The following TBXAS1 variants were observed in gnomAD, a reference collection of about 807,000 sequenced individuals.
TBXAS1 encodes the protein thromboxane-A synthase.
A neutral mutation model predicts 60.7 loss-of-function variants in TBXAS1; 48 were observed. The ratio of observed to expected loss-of-function variants is 0.79; its 90% confidence interval spans 0.63 to 1.01. TBXAS1 has a LOEUF of 1.01. TBXAS1 is among the 50% of genes least tolerant of loss of function. TBXAS1 has a pLI of 0.00. For synonymous variants in TBXAS1, 287 were observed against 269.7 expected (o/e 1.06, Z -0.63); for missense variants, 685 against 686.3 (o/e 1.00, Z 0.02).
intron 1 of TBXAS1, among the ~76,000 whole-genome samples, chr7:139,833,205 T>C (rs1020886815): frequency 2.0e-5 from 3 of 152,142 alleles, no homozygotes; most frequent in African/African-American, 7.2e-5. Flanking sequence ...AACTGCAGAA[T>C]GGATAAGAAC....
chr7:140,015,679 T>C, intron 10 of TBXAS1, 44 bp from the exon 11 acceptor site: 1 of 1,609,730 alleles, frequency 6.2e-7, no homozygotes, highest in East Asian at 2.2e-5. Flanking sequence ...GCTCTGCTCC[T>C]CATCTCTTCT....
intron 9 of TBXAS1, among the ~76,000 whole-genome samples, chr7:139,991,120 A>T (rs8192856): frequency 0.064 from 9,686 of 152,310 alleles, 408 homozygotes; most frequent in South Asian, 0.12. Flanking sequence ...GTGCGCTCCA[A>T]TAAAACGGCA....
intron 5 of TBXAS1, among the ~76,000 whole-genome samples, chr7:139,947,420 G>A (rs538147084): frequency 8.6e-4 from 131 of 152,118 alleles, no homozygotes; most frequent in Non-Finnish European, 1.3e-3. Flanking sequence ...GTTGGGGGAG[G>A]GGGGAGGAAG....
At chr7:139,883,776 A>G (rs1405469546) in intron 3 of TBXAS1, among the ~76,000 whole-genome samples, 3 of 152,258 alleles carry the variant, frequency 2.0e-5, no homozygotes, top group African/African-American at 7.2e-5. Context: ...TATATTAACC[A>G]CATTGTTATC....
intron 5 of TBXAS1, among the ~76,000 whole-genome samples, chr7:139,942,430 AT>A (rs1808364104): frequency 6.6e-6 from 1 of 152,224 alleles, no homozygotes; most frequent in South Asian, 2.1e-4. Flanking sequence ...TTGAGCAATT[AT>A]CCTTTGCAGG....
chr7:139,903,934 C>T (rs1403407861), intron 3 of TBXAS1, among the ~76,000 whole-genome samples: 2 of 151,950 alleles, frequency 1.3e-5, no homozygotes, highest in Non-Finnish European at 2.9e-5. Flanking sequence ...TTCCTTTTAC[C>T]GTACAAAAGC....
intron 9 of TBXAS1, among the ~76,000 whole-genome samples, chr7:139,998,010 G>A (rs568570640): frequency 1.3e-5 from 2 of 152,264 alleles, no homozygotes; most frequent in South Asian, 4.1e-4. Flanking sequence ...GGATAAATCG[G>A]GGCAGCTCAC....
intron 4 of TBXAS1, among the ~76,000 whole-genome samples, chr7:139,805,475 G>A (rs56261656): frequency 0.22 from 33,531 of 152,014 alleles, 3,907 homozygotes; most frequent in East Asian, 0.3. Flanking sequence ...AGGGTTCAGT[G>A]GGATGGACCT....
intron 5 of TBXAS1, among the ~76,000 whole-genome samples, chr7:139,944,181 G>C (rs1046389209): frequency 1.3e-5 from 2 of 152,236 alleles, no homozygotes; most frequent in Non-Finnish European, 2.9e-5. Context: ...CTTTGGCAGG[G>C]AGGAAGCAGT....
chr7:139,879,459 C>A (rs916849390), intron 3 of TBXAS1, among the ~76,000 whole-genome samples: 14 of 152,116 alleles, frequency 9.2e-5, no homozygotes, highest in African/African-American at 3.4e-4. Flanking sequence ...TTTAGATAAC[C>A]TTCATCAATT....
intron 4 of TBXAS1, among the ~76,000 whole-genome samples, chr7:139,807,769 A>AAC (rs1569492835): frequency 1.3e-5 from 2 of 151,848 alleles, no homozygotes; most frequent in African/African-American, 2.4e-5. Flanking sequence ...CCTCGTGCCT[A>AAC]AACCTCCCAT....
intron 1 of TBXAS1, among the ~76,000 whole-genome samples, chr7:139,851,939 A>T (rs1800244383): frequency 6.6e-6 from 1 of 152,144 alleles, no homozygotes; most frequent in Non-Finnish European, 1.5e-5. Flanking sequence ...TTCCAAGATT[A>T]GATTATTGGA....
At chr7:140,019,445 C>A (rs1815367391) in intron 12 of TBXAS1, among the ~76,000 whole-genome samples, 1 of 152,176 alleles carries the variant, frequency 6.6e-6, no homozygotes, top group South Asian at 2.1e-4. Context: ...GCTTAAGAAC[C>A]AGCCAGGAGT....
At chr7:139,890,871 G>T (rs1459416130) in intron 3 of TBXAS1, among the ~76,000 whole-genome samples, 5 of 151,934 alleles carry the variant, frequency 3.3e-5, no homozygotes. Flanking sequence ...ATCCCCAATA[G>T]TCAACCATTC....
intron 1 of TBXAS1, 55 bp downstream of exon 1, chr7:139,829,534 C>A (rs1486366675): frequency 8.5e-6 from 13 of 1,537,756 alleles, no homozygotes; most frequent in South Asian, 2.3e-5. Flanking sequence ...CACCCTGGAG[C>A]CTTGCTGGTG....
chr7:139,952,510 G>A (rs1257801634), intron 5 of TBXAS1: 9 of 1,533,572 alleles, frequency 5.9e-6, no homozygotes, highest in Non-Finnish European at 7.9e-6. Flanking sequence ...TGCTATTCTA[G>A]AATGGGCAGC....
At chr7:139,781,811 T>C (rs1282450228) in intron 2 of TBXAS1, among the ~76,000 whole-genome samples, 2 of 115,522 alleles carry the variant, frequency 1.7e-5, no homozygotes, top group African/African-American at 7.2e-5. Flanking sequence ...CACTCTAGCC[T>C]AGGCAACAAG....
chr7:139,798,643 G>A (rs895489894), intron 4 of TBXAS1, among the ~76,000 whole-genome samples: 1 of 152,154 alleles, frequency 6.6e-6, no homozygotes, highest in African/African-American at 2.4e-5. Flanking sequence ...AACCATGGTA[G>A]TTCTGTTTCA....
chr7:139,945,238 G>T (rs1808606310), intron 5 of TBXAS1, among the ~76,000 whole-genome samples: 1 of 152,246 alleles, frequency 6.6e-6, no homozygotes, highest in South Asian at 2.1e-4. Context: ...TCAAGCAACT[G>T]TCTCAACCTG....
Sources: allele counts gnomAD v4.1 joint callset (sites outside exome capture counted in the v4.1 genomes callset), GRCh38; gene constraint gnomAD v4.1.1; transcripts MANE v1.5; gene names NCBI Gene and HGNC (gene_info 2026-07-23, HGNC 2026-07-21).